The following BRAF variants were observed in gnomAD, a reference collection of about 807,000 sequenced individuals.
BRAF encodes the protein serine/threonine-protein kinase B-raf.
In BRAF, 16 loss-of-function variants were observed where a neutral mutation model predicts 104.6. The observed-to-expected ratio is 0.15, with a 90% CI of 0.10 to 0.23. The LOEUF is 0.23. BRAF is among the 10% of genes least tolerant of loss of function. The pLI is 1.00. For synonymous variants in BRAF, 310 were observed against 341.6 expected, an observed-to-expected ratio of 0.91 and a Z score of 1.02; for missense variants, 541 against 937.3, an observed-to-expected ratio of 0.58 and a Z score of 5.52.
At position 140,721,072 on chromosome 7, in the gene BRAF, C is replaced by CT. The variant is rs761591912; in HGVS notation, c.*5421dup. On this transcript the variant is annotated 3_prime_UTR_variant, in exon 20 of 20. Transcript: ENST00000644969. The stretch of plus-strand genomic sequence containing the variant: ...TCAGAGCACTTCTATCTACAGAATT[C>CT]TTTAAAAAAAAATGCACCTCTAAAA... 2.4e-5 allele frequency: 26 copies of CT among 1,063,592 alleles called. No individual in the cohort carries two copies. The highest frequency in any genetic ancestry group is 3.0e-5 in the Non-Finnish European group (26 of 878,348). The allele number at this position is 1,063,592 out of a possible 1,614,324, so 65.9% of individuals were successfully genotyped here.
At position 140,722,079 on chromosome 7, in the gene BRAF, T is replaced by C. The variant is rs972543774; in HGVS notation, c.*4415A>G. 22 of 1,088,568 alleles carry C rather than the reference T, an allele frequency of 2.0e-5. No homozygotes were observed. The highest frequency in any genetic ancestry group is 2.3e-5 in the Non-Finnish European group (21 of 895,682). 67.4% of individuals were successfully genotyped at this position (1,088,568 alleles called of 1,614,324 possible). A position where few individuals can be genotyped will look rare whatever the true frequency, so the allele number is the denominator to read the frequency against. Reference sequence around the variant, plus strand: ...TAAACTACAGCAATTTCTGTCAACATTTCTGTTGTATAAAAGTTCCATGCT... The same window carrying C: ...TAAACTACAGCAATTTCTGTCAACACTTCTGTTGTATAAAAGTTCCATGCT... On this transcript the variant is annotated 3_prime_UTR_variant, in exon 20 of 20. Transcript: ENST00000644969.
At chr7:140,923,035 C>G (rs1818391276) in intron 1 of BRAF, among the ~76,000 whole-genome samples, 1 of 152,052 alleles carries the variant, frequency 6.6e-6, no homozygotes. Context: ...TTTTAAGAAA[C>G]TTAAAAATGA....
In BRAF at chr7:140,789,209, A is replaced by AG. The variant is rs1193292301; in HGVS notation, c.1141-1626dup. Among the ~76,000 whole-genome samples the AG allele has an allele frequency of 7.4e-5, 11 of 148,798 alleles. No homozygotes were observed. In the East Asian group the frequency reaches 2.2e-3, roughly 30 times the overall value. Reference sequence around the variant, plus strand: ...GGGTGACAGAGTGAGACTCCATCACAGAAAAAAAACAAAAAAAAAACTATA... The same window carrying AG: ...GGGTGACAGAGTGAGACTCCATCACAGGAAAAAAAACAAAAAAAAAACTATA... On this transcript the variant is annotated intron_variant, in intron 8 of 19. Transcript: ENST00000644969.
At position 140,725,081 on chromosome 7, in the gene BRAF, G is replaced by A; in HGVS notation, c.*1413C>T. On this transcript the variant is annotated 3_prime_UTR_variant, in exon 20 of 20. Transcript: ENST00000644969. ...GCTCTATTCTCTGTCTGGGAATTCA[G>A]CTGCCAAATTGCCCAACCTTTTGAA... is the stretch of plus-strand genomic sequence containing the variant. The A allele has an allele frequency of 9.6e-7, 1 of 1,045,484 alleles. No individual in the cohort carries two copies. Among genetic ancestry groups the A allele is most frequent in the Non-Finnish European group, 1.2e-6 (1 of 866,772 alleles). The allele number at this position is 1,045,484 out of a possible 1,614,324, so 64.8% of individuals were successfully genotyped here. A position where few individuals can be genotyped will look rare whatever the true frequency, so the allele number is the denominator to read the frequency against.
At chr7:140,828,124 G>C (rs199871264) in intron 3 of BRAF, among the ~76,000 whole-genome samples, 1 of 152,066 alleles carries the variant, frequency 6.6e-6, no homozygotes, top group East Asian at 1.9e-4. Flanking sequence ...TAGAACTCCT[G>C]ACCTCAGGTG....
chr7:140,791,049 A>G (rs1801904947), intron 8 of BRAF, among the ~76,000 whole-genome samples: 1 of 152,048 alleles, frequency 6.6e-6, no homozygotes, highest in Admixed American at 6.6e-5. Flanking sequence ...TGCAGTGAGC[A>G]GCGATCACAC....
intron 1 of BRAF, among the ~76,000 whole-genome samples, chr7:140,911,218 C>T (rs750142239): frequency 9.2e-5 from 14 of 152,186 alleles, no homozygotes; most frequent in Non-Finnish European, 1.6e-4. Flanking sequence ...GGGTCTAGAA[C>T]TGCACTGATT....
At chr7:140,747,269 C>G (rs939906183) in intron 17 of BRAF, 2 of 521,368 alleles carry the variant, frequency 3.8e-6, no homozygotes, top group Admixed American at 5.4e-5. Flanking sequence ...CTTTTACCTC[C>G]TTCTTCTCCA....
intron 1 of BRAF, among the ~76,000 whole-genome samples, chr7:140,902,310 G>A (rs1056230481): frequency 6.6e-6 from 1 of 152,158 alleles, no homozygotes; most frequent in Admixed American, 6.5e-5. Flanking sequence ...ACCCATATAA[G>A]GCAGTGAACT....
chr7:140,813,942 G>T (rs1361863927), intron 3 of BRAF, among the ~76,000 whole-genome samples: 2 of 151,842 alleles, frequency 1.3e-5, no homozygotes, highest in Non-Finnish European at 2.9e-5. Flanking sequence ...TACCTAAAAG[G>T]TGCAGAGAAA....
intron 14 of BRAF, among the ~76,000 whole-genome samples, chr7:140,761,296 T>C (rs575254395): frequency 7.9e-5 from 12 of 152,072 alleles, no homozygotes; most frequent in African/African-American, 2.7e-4. Context: ...CTAAGCTTCA[T>C]AAGTGAAGGA....
At chr7:140,784,511 G>A (rs1258117061) in intron 10 of BRAF, among the ~76,000 whole-genome samples, 2 of 152,110 alleles carry the variant, frequency 1.3e-5, no homozygotes, top group African/African-American at 4.8e-5. Context: ...TGGATTTTCT[G>A]AGAAACAGCA....
intron 1 of BRAF, among the ~76,000 whole-genome samples, chr7:140,905,637 T>A (rs1816218681): frequency 6.6e-6 from 1 of 152,244 alleles, no homozygotes. Flanking sequence ...TAGCTGGTGA[T>A]ATGTTTAGAT....
chr7:140,734,807 G>GAAAAA, intron 18 of BRAF, 37 bp from the exon 18 acceptor site: 1 of 870,218 alleles, frequency 1.1e-6, no homozygotes, highest in Non-Finnish European at 1.5e-6. Flanking sequence ...GAAAAAAAAA[G>GAAAAA]AAAAAAGAAA....
intron 3 of BRAF, among the ~76,000 whole-genome samples, chr7:140,809,855 A>G (rs539321573): frequency 6.6e-6 from 1 of 152,190 alleles, no homozygotes; most frequent in Non-Finnish European, 1.5e-5. Context: ...GAGACAGAGA[A>G]GGAGGGAAAG....
At chr7:140,865,669 G>A (rs756904739) in intron 1 of BRAF, among the ~76,000 whole-genome samples, 15 of 152,308 alleles carry the variant, frequency 9.8e-5, no homozygotes, top group Middle Eastern at 6.8e-3. Flanking sequence ...GTAATCAGGA[G>A]CCAGACAAGT....
intron 7 of BRAF, among the ~76,000 whole-genome samples, chr7:140,797,211 A>G (rs1053008802): frequency 6.6e-6 from 1 of 152,222 alleles, no homozygotes; most frequent in African/African-American, 2.4e-5. Context: ...CAGTTAGTTT[A>G]GATCTCATTC....
downstream of BRAF, among the ~76,000 whole-genome samples, chr7:140,718,104 G>GT (rs775654172): frequency 1.1e-3 from 170 of 151,932 alleles, no homozygotes; most frequent in Non-Finnish European, 1.6e-3. Flanking sequence ...CAGGTGAAGT[G>GT]TTTTTTTTGA....
At chr7:140,920,828 C>T (rs1252284944) in intron 1 of BRAF, among the ~76,000 whole-genome samples, 1 of 152,152 alleles carries the variant, frequency 6.6e-6, no homozygotes, top group East Asian at 1.9e-4. Context: ...AGACAAACAA[C>T]TATTTTATGA....
Sources: gnomAD v4.1 joint callset for allele counts (sites outside exome capture counted in the v4.1 genomes callset) on GRCh38, gnomAD v4.1.1 for gene constraint, MANE v1.5 for transcripts, NCBI Gene and HGNC (gene_info 2026-07-23, HGNC 2026-07-21) for gene names.